XYLT1: variants seen among roughly 807,000 people sequenced by gnomAD.
XYLT1 encodes the protein xylosyltransferase 1, also known as beta-D-xylosyltransferase 1.
XYLT1 carries 36 observed loss-of-function variants against 91.3 expected under a neutral mutation model. The ratio of observed to expected loss-of-function variants is 0.39; its 90% CI spans 0.30 to 0.52. The LOEUF is 0.52. XYLT1 is among the 20% of genes least tolerant of loss of function. The pLI, the probability that XYLT1 is intolerant of heterozygous loss-of-function variation, is 0.68. For synonymous variants in XYLT1, 588 were observed against 532.0 expected (o/e 1.11, Z -1.45); for missense variants, 1,242 against 1,284.5 (o/e 0.97, Z 0.51).
intron 6 of XYLT1, among the ~76,000 whole-genome samples, chr16:17,142,022 A>C (rs1449942129): frequency 6.6e-6 from 1 of 152,120 alleles, no homozygotes; most frequent in Non-Finnish European, 1.5e-5. Flanking sequence ...TCCTGCCTCC[A>C]GCTCCTGAGT....
chr16:17,206,158 C>T (rs1222683235), intron 3 of XYLT1, among the ~76,000 whole-genome samples: 5 of 152,116 alleles, frequency 3.3e-5, no homozygotes, highest in South Asian at 2.1e-4. Context: ...TCTCTGACCC[C>T]GCTGGGTTCC....
At chr16:17,229,291 G>A (rs1054582857) in intron 3 of XYLT1, among the ~76,000 whole-genome samples, 1 of 152,194 alleles carries the variant, frequency 6.6e-6, no homozygotes, top group African/African-American at 2.4e-5. Context: ...TGGCCCGCAT[G>A]TCCATGTGAG....
At chr16:17,256,141 G>T (rs2033627420) in intron 3 of XYLT1, among the ~76,000 whole-genome samples, 1 of 152,138 alleles carries the variant, frequency 6.6e-6, no homozygotes, top group Admixed American at 6.5e-5. Context: ...CAGATGGGGG[G>T]GCCATAAGGA....
chr16:17,201,290 T>C (rs2141590217), intron 3 of XYLT1, among the ~76,000 whole-genome samples: 1 of 152,236 alleles, frequency 6.6e-6, no homozygotes, highest in South Asian at 2.1e-4. Flanking sequence ...TCCATATGGG[T>C]GGGGAAGACC....
chr16:17,140,559 G>A (rs892183418), intron 7 of XYLT1, among the ~76,000 whole-genome samples: 9 of 150,078 alleles, frequency 6.0e-5, no homozygotes, highest in Non-Finnish European at 1.3e-4. Flanking sequence ...TACTCAGGAG[G>A]CTGAGGCAGC....
At chr16:17,172,127 CTTAG>C (rs1264156142) in intron 5 of XYLT1, among the ~76,000 whole-genome samples, 1 of 152,196 alleles carries the variant, frequency 6.6e-6, no homozygotes, top group African/African-American at 2.4e-5. Context: ...ACAGTAAATA[CTTAG>C]TAAGTATTAA....
chr16:17,260,363 T>A (rs142157371), intron 2 of XYLT1, among the ~76,000 whole-genome samples: 506 of 152,292 alleles, frequency 3.3e-3, no homozygotes, highest in Non-Finnish European at 5.4e-3. Context: ...TTGCTTCTGC[T>A]TAAAGCTCAT....
chr16:17,200,135 T>G (rs1057169114), intron 4 of XYLT1, among the ~76,000 whole-genome samples: 1 of 151,576 alleles, frequency 6.6e-6, no homozygotes, highest in African/African-American at 2.4e-5. Flanking sequence ...GCAGGAAAAT[T>G]GCTTGAACCC....
chr16:17,250,420 T>A (rs1328713975), intron 3 of XYLT1: 1 of 152,260 alleles, frequency 6.6e-6, no homozygotes, highest in African/African-American at 2.4e-5. Context: ...AACTGAAGCA[T>A]GCCCACAATG....
intron 1 of XYLT1, among the ~76,000 whole-genome samples, chr16:17,389,942 G>C (rs560134334): frequency 6.6e-6 from 1 of 152,168 alleles, no homozygotes. Context: ...GAAGGGAATC[G>C]TGTCAGGTGT....
intron 2 of XYLT1, among the ~76,000 whole-genome samples, chr16:17,295,413 T>A (rs1391681627): frequency 6.6e-6 from 1 of 152,070 alleles, no homozygotes. Context: ...TGGAGTGCAG[T>A]GGTACGATCT....
In XYLT1 at chr16:17,316,808, T is replaced by C. The variant is rs1179435798; in HGVS notation, c.402+41204A>G. On this transcript the variant is annotated intron_variant, in intron 2 of 11. Transcript: ENST00000261381. Reference sequence around the variant, plus strand: ...CCCTGTTACCTGAAAGAGCTCACTTTGAAACCACAGGCAGATTTTTTTTTT... The same window carrying C: ...CCCTGTTACCTGAAAGAGCTCACTTCGAAACCACAGGCAGATTTTTTTTTT... Among the ~76,000 whole-genome samples, 3 of 150,498 alleles carry C rather than the reference T, an allele frequency of 2.0e-5. No individual in the cohort carries two copies. The South Asian group carries it at 6.3e-4, about 31-fold the overall frequency.
intron 3 of XYLT1, among the ~76,000 whole-genome samples, chr16:17,242,124 C>T (rs767159260): frequency 1.3e-5 from 2 of 152,188 alleles, no homozygotes; most frequent in Non-Finnish European, 2.9e-5. Flanking sequence ...AGGTCCCTCC[C>T]ATGACACATG....
chr16:17,228,811 T>G (rs963966854), intron 3 of XYLT1, among the ~76,000 whole-genome samples: 2 of 152,184 alleles, frequency 1.3e-5, no homozygotes, highest in African/African-American at 4.8e-5. Flanking sequence ...ACTTCATACC[T>G]GGCATTTTAC....
chr16:17,235,309 C>CTTTT lies in XYLT1; in HGVS notation c.913+23675_913+23678dup, dbSNP rs3060127. The stretch of plus-strand genomic sequence containing the variant: ...ACAGCCAAATCATCATCATTATCAT[C>CTTTT]TTTTTTTTTTTTTTTTGGAGACCTA... On this transcript the variant is annotated intron_variant, in intron 3 of 11. Transcript: ENST00000261381. Among the ~76,000 whole-genome samples, 521 of 138,186 alleles carry CTTTT rather than the reference C, an allele frequency of 3.8e-3. 7 individuals carry two copies. The highest frequency in any genetic ancestry group is 6.8e-3 in the African/African-American group (252 of 36,826). 90.7% of individuals were successfully genotyped at this position (138,186 alleles called of 152,430 possible). A position where few individuals can be genotyped will look rare whatever the true frequency, so the allele number is the denominator to read the frequency against.
Position 17,216,682 on chromosome 16 carries a change from G to A in XYLT1, c.914-16028C>T, listed in dbSNP as rs142951187. 3.5e-3 allele frequency among the ~76,000 whole-genome samples: 536 copies of A among 152,274 alleles called. 4 individuals carry two copies. The highest frequency in any genetic ancestry group is 0.012 in the African/African-American group (515 of 41,552). On this transcript the variant is annotated intron_variant, in intron 3 of 11. Transcript: ENST00000261381. ...TGAGTTCTTGCAGCAAACCTATGAG[G>A]TCCTGCTATCATTCTCATTTTACAC...
chr16:17,302,232 A>AC (rs1567364323), intron 2 of XYLT1, among the ~76,000 whole-genome samples: 299 of 149,986 alleles, frequency 2.0e-3, no homozygotes, highest in African/African-American at 5.1e-3. Context: ...ACTACTACTA[A>AC]TAATAATAAT....
intron 1 of XYLT1, among the ~76,000 whole-genome samples, chr16:17,368,424 G>T (rs1181734243): frequency 6.6e-6 from 1 of 152,136 alleles, no homozygotes; most frequent in East Asian, 1.9e-4. Flanking sequence ...CTTGATGACA[G>T]CGCCCAGTAG....
At chr16:17,316,768 C>T (rs2034638624) in intron 2 of XYLT1, among the ~76,000 whole-genome samples, 1 of 151,054 alleles carries the variant, frequency 6.6e-6, no homozygotes, top group Admixed American at 6.6e-5. Context: ...GGTGGTAAAG[C>T]TAATTTTACA....
Sources: gnomAD v4.1 joint callset for allele counts (sites outside exome capture counted in the v4.1 genomes callset) on GRCh38, gnomAD v4.1.1 for gene constraint, MANE v1.5 for transcripts, NCBI Gene and HGNC (gene_info 2026-07-23, HGNC 2026-07-21) for gene names.